The following ARID4A variants were observed in gnomAD, a reference collection of about 807,000 sequenced individuals.
ARID4A encodes the protein AT-rich interaction domain 4A, also known as AT-rich interactive domain-containing protein 4A.
A neutral mutation model predicts 148.6 loss-of-function variants in ARID4A; 39 were observed. The ratio of observed to expected loss-of-function variants is 0.26; its 90% CI spans 0.20 to 0.34. The LOEUF (loss-of-function observed/expected upper bound fraction) is 0.34, where lower values mean the gene tolerates loss of function less well. ARID4A is among the 10% of genes least tolerant of loss of function. The pLI, the probability that ARID4A is intolerant of heterozygous loss-of-function variation, is 1.00. For missense variants in ARID4A, 1,265 were observed against 1,449.1 expected (o/e 0.87, Z 2.06); for synonymous variants, 475 against 481.2 (o/e 0.99, Z 0.17).
chr14:58,357,722 T>G (rs1056688033), intron 17 of ARID4A, among the ~76,000 whole-genome samples: 1 of 152,000 alleles, frequency 6.6e-6, no homozygotes, highest in Non-Finnish European at 1.5e-5. Flanking sequence ...GATTGGACAT[T>G]CCTGGTCTAA....
At chr14:58,317,344 G>A (rs532920059) in intron 5 of ARID4A, among the ~76,000 whole-genome samples, 24 of 146,498 alleles carry the variant, frequency 1.6e-4, no homozygotes, top group African/African-American at 6.0e-4. Flanking sequence ...GAGTGCAGTG[G>A]TGCAATCTCG....
intron 3 of ARID4A, 64 bp downstream of exon 3, chr14:58,301,754 G>C: frequency 4.1e-6 from 5 of 1,224,078 alleles, no homozygotes; most frequent in Non-Finnish European, 4.7e-6. Context: ...GGGAGAGAGA[G>C]ACTGCAAATC....
In ARID4A at chr14:58,347,125, G is replaced by C. The variant is rs1230030994; in HGVS notation, c.1172+8G>C. 1 of 1,412,804 alleles carries C rather than the reference G, an allele frequency of 7.1e-7. No homozygotes were observed. The highest frequency in any genetic ancestry group is 9.7e-7 in the Non-Finnish European group (1 of 1,031,582). The allele number at this position is 1,412,804 out of a possible 1,614,324, so 87.5% of individuals were successfully genotyped here. ...AAAAACTGCTTATAGAAAGTAAGTAGTATAGTTTATTCATCAAAGAATATA... is the reference window on the plus strand; with the variant it reads ...AAAAACTGCTTATAGAAAGTAAGTACTATAGTTTATTCATCAAAGAATATA... On this transcript the variant is annotated splice_region_variant and intron_variant, in intron 14 of 23. Transcript: ENST00000355431.
intron 19 of ARID4A, among the ~76,000 whole-genome samples, chr14:58,362,318 G>T (rs2140265021): frequency 6.6e-6 from 1 of 152,254 alleles, no homozygotes; most frequent in East Asian, 1.9e-4. Flanking sequence ...GCTGAGTGCA[G>T]TGGTTCATGC....
At chr14:58,312,044 A>G (rs1024929296) in intron 5 of ARID4A, among the ~76,000 whole-genome samples, 6 of 152,118 alleles carry the variant, frequency 3.9e-5, no homozygotes, top group African/African-American at 1.4e-4. Context: ...GCCAATAACA[A>G]TGTATTGCAT....
At chr14:58,323,748 A>C in intron 8 of ARID4A, 131 bp downstream of exon 8, 1 of 735,248 alleles carries the variant, frequency 1.4e-6, no homozygotes. Flanking sequence ...TTTTAATTGA[A>C]TAATCATAGT....
intron 7 of ARID4A, among the ~76,000 whole-genome samples, chr14:58,321,132 A>G (rs1392135379): frequency 6.6e-6 from 1 of 152,212 alleles, no homozygotes; most frequent in African/African-American, 2.4e-5. Flanking sequence ...CTTCAGAATT[A>G]CTATAGTTAC....
intron 20 of ARID4A, 95 bp downstream of exon 20, chr14:58,365,395 T>A: frequency 6.9e-7 from 1 of 1,451,330 alleles, no homozygotes; most frequent in East Asian, 2.3e-5. Flanking sequence ...GTACTTTCTT[T>A]TTCTTTTCTC....
chr14:58,356,699 A>ATTTTTTTTTTTTTTTTTTTTTTTTT (rs1174156900), intron 17 of ARID4A, among the ~76,000 whole-genome samples: 2 of 128,070 alleles, frequency 1.6e-5, no homozygotes, highest in African/African-American at 5.7e-5. Flanking sequence ...TTGAATTTTG[A>ATTTTTTTTTTTTTTTTTTTTTTTTT]TTTTTTTTTT....
At chr14:58,367,930 G>A (rs2035427842) in intron 23 of ARID4A, among the ~76,000 whole-genome samples, 2 of 152,088 alleles carry the variant, frequency 1.3e-5, no homozygotes, top group Non-Finnish European at 2.9e-5. Context: ...ACAACAAGAA[G>A]CAAGCCAATT....
intron 3 of ARID4A, chr14:58,303,868 G>T (rs1362126244): frequency 5.9e-6 from 1 of 169,446 alleles, no homozygotes. Context: ...CCAGCACTTT[G>T]GGAAGCCAGA....
intron 17 of ARID4A, among the ~76,000 whole-genome samples, chr14:58,356,017 T>A (rs1028719520): frequency 3.3e-5 from 5 of 152,228 alleles, no homozygotes; most frequent in African/African-American, 1.2e-4. Flanking sequence ...TAAAAGCTGG[T>A]ATAATTCTGG....
At chr14:58,340,238 T>C (rs941722725) in intron 11 of ARID4A, among the ~76,000 whole-genome samples, 6 of 152,320 alleles carry the variant, frequency 3.9e-5, no homozygotes, top group African/African-American at 1.4e-4. Context: ...TTCTTCTTCT[T>C]TTTTGGGACA....
intron 11 of ARID4A, among the ~76,000 whole-genome samples, chr14:58,335,931 A>G (rs2033791905): frequency 6.6e-6 from 1 of 152,022 alleles, no homozygotes; most frequent in Non-Finnish European, 1.5e-5. Context: ...GCCTAATGCA[A>G]TAACAATAAC....
At chr14:58,343,672 T>C (rs2034219897) in intron 11 of ARID4A, among the ~76,000 whole-genome samples, 1 of 151,154 alleles carries the variant, frequency 6.6e-6, no homozygotes, top group Non-Finnish European at 1.5e-5. Flanking sequence ...CTATTAAAAA[T>C]ACAAAAAATT....
At chr14:58,362,449 G>T (rs763320030) in intron 19 of ARID4A, among the ~76,000 whole-genome samples, 1 of 151,810 alleles carries the variant, frequency 6.6e-6, no homozygotes, top group African/African-American at 2.4e-5. Flanking sequence ...AATTAGCCAG[G>T]CATGGTGGTG....
chr14:58,313,777 A>G lies in ARID4A; in HGVS notation c.275-4765A>G, dbSNP rs1057228862. ...GCTGGTATAAGGTGCAGAGTCCCAT[A>G]GCCAAAGAGCCTGGAGTTCTGATGT... On this transcript the variant is annotated intron_variant, in intron 5 of 23. Transcript: ENST00000355431. 4.6e-5 allele frequency among the ~76,000 whole-genome samples: 7 copies of G among 152,224 alleles called. 1 individual carries two copies. Among genetic ancestry groups the G allele is most frequent in the Non-Finnish European group, 8.8e-5 (6 of 68,026 alleles).
chr14:58,316,385 G>T (rs1424199202), intron 5 of ARID4A, among the ~76,000 whole-genome samples: 1 of 152,174 alleles, frequency 6.6e-6, no homozygotes, highest in Non-Finnish European at 1.5e-5. Context: ...GGGCAATGAG[G>T]TACCTTCTGA....
At chr14:58,340,984 TGTGA>T (rs1380938479) in intron 11 of ARID4A, among the ~76,000 whole-genome samples, 2 of 152,322 alleles carry the variant, frequency 1.3e-5, no homozygotes, top group East Asian at 1.9e-4. Context: ...GTCGTAAAAT[TGTGA>T]GTAAGTCAGG....
Sources: allele counts gnomAD v4.1 joint callset (sites outside exome capture counted in the v4.1 genomes callset), GRCh38; gene constraint gnomAD v4.1.1; transcripts MANE v1.5; gene names NCBI Gene and HGNC (gene_info 2026-07-23, HGNC 2026-07-21).